DHH: variants seen among roughly 807,000 people sequenced by gnomAD.
DHH encodes desert hedgehog signaling molecule.
DHH carries 16 observed loss-of-function variants against 27.6 expected under a neutral mutation model. The observed-to-expected ratio is 0.58, with a 90% CI of 0.39 to 0.88. The LOEUF (loss-of-function observed/expected upper bound fraction) is 0.88, where lower values mean the gene tolerates loss of function less well. Among genes scored for constraint, DHH ranks in the 40% least tolerant of loss-of-function variants. The probability of loss-of-function intolerance (pLI) is 0.00; values close to 1 mark genes in which losing one functional copy is unlikely to be tolerated. For synonymous variants in DHH, 289 were observed against 263.4 expected (o/e 1.10, Z -0.94); for missense variants, 436 against 563.1 (o/e 0.77, Z 2.28).
Position 49,094,315 on chromosome 12 carries a change from C to T in DHH, c.198G>A (p.Arg66=), listed in dbSNP as rs530705549. Residue 66 remains arginine (R), a synonymous_variant, in exon 1 of 3, where the codon AGG becomes AGA. Transcript: ENST00000649637. ...TLGASGPAEG[R]VARGSERFRD... ...GGAAGCGCTCGGAGCCCCTTGCCACCCTCCCCTCCGCTGGCCCACTGGCGC... is the reference window on the plus strand; with the variant it reads ...GGAAGCGCTCGGAGCCCCTTGCCACTCTCCCCTCCGCTGGCCCACTGGCGC... 3 of 1,613,356 alleles carry T rather than the reference C, an allele frequency of 1.9e-6. No individual in the cohort carries two copies. The highest frequency in any genetic ancestry group is 1.6e-4 in the Middle Eastern group (1 of 6,062).
Position 49,094,679 on chromosome 12 carries a change from T to G in DHH, c.-167A>C. 1.2e-6 allele frequency: 1 copy of G among 839,478 alleles called. No individual in the cohort carries two copies. The highest frequency in any genetic ancestry group is 1.9e-6 in the Non-Finnish European group (1 of 519,050). 52.0% of individuals were successfully genotyped at this position (839,478 alleles called of 1,614,324 possible). A position where few individuals can be genotyped will look rare whatever the true frequency, so the allele number is the denominator to read the frequency against. On this transcript the variant is annotated 5_prime_UTR_variant, in exon 1 of 3. Transcript: ENST00000649637. ...CTGGCTGCTGCTAGCTCTGCCCACG[T>G]GCCCCGGGAGCGGGCGGGGGGTGTC...
rs1592185747 is a variant in DHH at position 49,091,012 on chromosome 12, T to G, written c.565+116A>C. ...GCACCGCCTCGGCCTGGACGGGTGG[T>G]TTTCAACACTAAAGCCCGCTTGGTC... On this transcript the variant is annotated intron_variant, in intron 2 of 2. Coordinates refer to ENST00000649637, the MANE Select transcript of DHH (RefSeq NM_021044.4). This position sits in a 1 kb window ranked among gnomAD's most constrained non-coding sequence, Gnocchi z 4.8. The G allele has an allele frequency of 1.3e-6, 2 of 1,538,626 alleles. No individual in the cohort carries two copies. The highest frequency in any genetic ancestry group is 1.1e-5 in the South Asian group (1 of 88,502).
rs1490855125 is a variant in DHH at position 49,090,739 on chromosome 12, G to A, written c.566-255C>T. On this transcript the variant is annotated intron_variant, in intron 2 of 2. Coordinates refer to ENST00000649637, the MANE Select transcript of DHH (RefSeq NM_021044.4). This position sits in a 1 kb window ranked among gnomAD's most constrained non-coding sequence, Gnocchi z 5.2. ...TTTTGAGATAGAATCTCGCTCTGTCGCCCAGTAGATGGAGTGCAGTGGCAC... is the reference window on the plus strand; with the variant it reads ...TTTTGAGATAGAATCTCGCTCTGTCACCCAGTAGATGGAGTGCAGTGGCAC... Among the ~76,000 whole-genome samples, 2 of 151,738 alleles carry A rather than the reference G, an allele frequency of 1.3e-5. No individual in the cohort carries two copies. Among genetic ancestry groups the A allele is most frequent in the South Asian group, 2.1e-4 (1 of 4,806 alleles).
chr12:49,094,027 G>A (rs1939350240), intron 1 of DHH, among the ~76,000 whole-genome samples, 183 bp downstream of exon 1: 1 of 152,116 alleles, frequency 6.6e-6, no homozygotes, highest in Non-Finnish European at 1.5e-5. Context: ...TATTCTAGTC[G>A]GGAGCCGTCC....
Position 49,087,900 on chromosome 12 carries a change from G to A in DHH, c.*1959C>T, listed in dbSNP as rs1939233855. 6.6e-6 allele frequency among the ~76,000 whole-genome samples: 1 copy of A among 152,176 alleles called. No homozygotes were observed. Among genetic ancestry groups the A allele is most frequent in the Non-Finnish European group, 1.5e-5 (1 of 68,026 alleles). ...AAAGTAGGAAAGGTCCACAGCTTGGGATGTGTTTCTGAGACCCGGAAAAAC... is the reference window on the plus strand; with the variant it reads ...AAAGTAGGAAAGGTCCACAGCTTGGAATGTGTTTCTGAGACCCGGAAAAAC... On this transcript the variant is annotated 3_prime_UTR_variant, in exon 3 of 3. Coordinates refer to ENST00000649637, the MANE Select transcript of DHH (RefSeq NM_021044.4).
intron 1 of DHH, chr12:49,093,338 T>A (rs1939337304): frequency 6.6e-6 from 1 of 152,120 alleles, no homozygotes; most frequent in African/African-American, 2.4e-5. Context: ...GAGGATCCCT[T>A]GAGCTCAGGA....
In DHH at chr12:49,090,465, C is replaced by T. The variant is rs1203446601; in HGVS notation, c.585G>A (p.Arg195=). 1.4e-5 allele frequency: 22 copies of T among 1,603,248 alleles called. No homozygotes were observed. The highest frequency in any genetic ancestry group is 1.8e-5 in the Non-Finnish European group (21 of 1,179,802). Residue 195 remains arginine, a synonymous_variant, in exon 3 of 3, where the codon CGG becomes CGA. Transcript: ENST00000649637. This position sits in a 1 kb window ranked among gnomAD's most constrained non-coding sequence, Gnocchi z 5.2. The part of the protein sequence containing the change: ...SVKADNSLAV[R]AGGCFPGNAT... ...CATTTCCCGGAAAGCAGCCGCCCGC[C>T]CGGACCGCCAGTGAGTTATCTGCAG...
rs1939289947 is a variant in DHH at position 49,090,874 on chromosome 12, G to C, written c.565+254C>G. Among the ~76,000 whole-genome samples the C allele has an allele frequency of 6.6e-6, 1 of 152,048 alleles. No individual in the cohort carries two copies. Among genetic ancestry groups the C allele is most frequent in the Non-Finnish European group, 1.5e-5 (1 of 67,998 alleles). On this transcript the variant is annotated intron_variant, in intron 2 of 2. Transcript: ENST00000649637. This position sits in a 1 kb window ranked among gnomAD's most constrained non-coding sequence, Gnocchi z 5.2. ...ACACCACCACGCCCAACTAATTTTCGTATTTATAATAGAGACGGGATTTCA... is the reference window on the plus strand; with the variant it reads ...ACACCACCACGCCCAACTAATTTTCCTATTTATAATAGAGACGGGATTTCA...
chr12:49,094,575 G>A lies in DHH; in HGVS notation c.-63C>T. On this transcript the variant is annotated 5_prime_UTR_variant, in exon 1 of 3. Coordinates refer to ENST00000649637, the MANE Select transcript of DHH (RefSeq NM_021044.4). ...TCCTCACTAACTCTCCTGTCAGTTAGGCATCTCCACAGGCACCAGAGAGGG... is the reference window on the plus strand; with the variant it reads ...TCCTCACTAACTCTCCTGTCAGTTAAGCATCTCCACAGGCACCAGAGAGGG... The A allele has an allele frequency of 6.5e-7, 1 of 1,530,218 alleles. No individual in the cohort carries two copies. The highest frequency in any genetic ancestry group is 1.2e-5 in the South Asian group (1 of 83,594). 94.8% of individuals were successfully genotyped at this position (1,530,218 alleles called of 1,614,324 possible). A position where few individuals can be genotyped will look rare whatever the true frequency, so the allele number is the denominator to read the frequency against.
Position 49,091,375 on chromosome 12 carries a change from C to T in DHH, c.318G>A (p.Arg106=). 1.2e-6 allele frequency: 2 copies of T among 1,614,182 alleles called. No individual in the cohort carries two copies. The highest frequency in any genetic ancestry group is 1.7e-6 in the Non-Finnish European group (2 of 1,180,042). ...TCACGGCAATGGCCAAAGCGTTCACCCGCTCCTTACAACGCTGGCGGGGAA... is the reference window on the plus strand; with the variant it reads ...TCACGGCAATGGCCAAAGCGTTCACTCGCTCCTTACAACGCTGGCGGGGAA... ...DRLMTERCKE[R]VNALAIAVMN... Residue 106 remains arginine (R), a synonymous_variant, in exon 2 of 3, where the codon CGG becomes CGA. Transcript: ENST00000649637. This position sits in a 1 kb window ranked among gnomAD's most constrained non-coding sequence, Gnocchi z 4.8.
Position 49,094,441 on chromosome 12 carries a change from C to G in DHH, c.72G>C (p.Gly24=). Residue 24 remains glycine (G), a synonymous_variant, in exon 1 of 3, where the codon GGG becomes GGC. Transcript: ENST00000649637. Reference sequence around the variant, plus strand: ...GCCGGCCAACCGGCCCCCGGCCCGGCCCGCAGCTCTGGGCTGGCAGCGCCA... The same window carrying G: ...GCCGGCCAACCGGCCCCCGGCCCGGGCCGCAGCTCTGGGCTGGCAGCGCCA... ...ALLALPAQSC[G]PGRGPVGRRR... 6.2e-7 allele frequency: 1 copy of G among 1,601,994 alleles called. No individual in the cohort carries two copies. The highest frequency in any genetic ancestry group is 8.5e-7 in the Non-Finnish European group (1 of 1,174,792).
At position 49,091,478 on chromosome 12, in the gene DHH, G is replaced by A; in HGVS notation, c.304-89C>T. 4 of 1,548,428 alleles carry A rather than the reference G, an allele frequency of 2.6e-6. No homozygotes were observed. The highest frequency in any genetic ancestry group is 1.9e-5 in the Admixed American group (1 of 53,156). ...GGAGGGTTGATTCTTTGTTATTCCG[G>A]CCCTACTCTTACCCCTCCCAGCTTT... On this transcript the variant is annotated intron_variant, in intron 1 of 2. Transcript: ENST00000649637. This position sits in a 1 kb window ranked among gnomAD's most constrained non-coding sequence, Gnocchi z 4.8.
intron 1 of DHH, 41 bp downstream of exon 1, chr12:49,094,169 C>T: frequency 6.2e-7 from 1 of 1,610,876 alleles, no homozygotes; most frequent in Non-Finnish European, 8.5e-7. Flanking sequence ...AACGGAGGAG[C>T]TGGCAGTGCC....
At position 49,089,959 on chromosome 12, in the gene DHH, T is replaced by C; in HGVS notation, c.1091A>G (p.His364Arg). 1 of 1,576,808 alleles carries C rather than the reference T, an allele frequency of 6.3e-7. No individual in the cohort carries two copies. The highest frequency in any genetic ancestry group is 8.6e-7 in the Non-Finnish European group (1 of 1,162,150). ...HRAFAPLRLL[H>R]ALGALLPGGA... is the part of the protein sequence containing the mutation. ...GCCGGGGAGCAGCGCCCCTAGCGCG[T>C]GCAGCAGTCTCAAGGGGGCAAAAGC... is the stretch of plus-strand genomic sequence containing the variant. The change falls in exon 3 of 3, where the codon CAC becomes CGC. Residue 364 changes from histidine to arginine, a missense_variant. Transcript: ENST00000649637.
In DHH at chr12:49,087,192, AT is replaced by A. The variant is rs57658147; in HGVS notation, c.*2666del. Among the ~76,000 whole-genome samples the A allele has an allele frequency of 0.23, 33,479 of 146,018 alleles. 3,958 individuals are homozygous for A. Among genetic ancestry groups the A allele is most frequent in the African/African-American group, 0.3 (11,942 of 39,952 alleles). On this transcript the variant is annotated 3_prime_UTR_variant, in exon 3 of 3. Transcript: ENST00000649637. The stretch of plus-strand genomic sequence containing the variant: ...ATTGCCGCTTGAAGGCAAGTCATGG[AT>A]TTTTTTTTTTTTTGAGAGTTAGGAG...
At chr12:49,092,432 G>C (rs545921629) in intron 1 of DHH, 2 of 152,416 alleles carry the variant, frequency 1.3e-5, no homozygotes, top group African/African-American at 4.8e-5. Context: ...TCCAGCCTGG[G>C]AGCGGGAGAC....
At position 49,094,672 on chromosome 12, in the gene DHH, G is replaced by A. The variant is rs1373352411; in HGVS notation, c.-160C>T. The stretch of plus-strand genomic sequence containing the variant: ...CGTGCACCTGGCTGCTGCTAGCTCT[G>A]CCCACGTGCCCCGGGAGCGGGCGGG... On this transcript the variant is annotated 5_prime_UTR_variant, in exon 1 of 3. Transcript: ENST00000649637. The A allele has an allele frequency of 3.5e-6, 3 of 864,306 alleles. No individual in the cohort carries two copies. Among genetic ancestry groups the A allele is most frequent in the Non-Finnish European group, 5.6e-6 (3 of 539,908 alleles). 53.5% of individuals were successfully genotyped at this position (864,306 alleles called of 1,614,324 possible).
At chr12:49,094,108 TA>T in intron 1 of DHH, 101 bp downstream of exon 1, 1 of 1,367,300 alleles carries the variant, frequency 7.3e-7, no homozygotes, top group Non-Finnish European at 1.0e-6. Flanking sequence ...TCTCTAAGGC[TA>T]AACTCTCTGT....
At chr12:49,093,692 A>G (rs529327878) in intron 1 of DHH, among the ~76,000 whole-genome samples, 1 of 152,258 alleles carries the variant, frequency 6.6e-6, no homozygotes, top group East Asian at 1.9e-4. Flanking sequence ...CCATGCCAAA[A>G]GCAATGTCTG....
Sources: allele counts gnomAD v4.1 joint callset (sites outside exome capture counted in the v4.1 genomes callset), GRCh38; gene constraint gnomAD v4.1.1; non-coding constraint Gnocchi (gnomAD v3.1); transcripts MANE v1.5; gene names NCBI Gene and HGNC (gene_info 2026-07-23, HGNC 2026-07-21).